RANBP2: variants seen among roughly 807,000 people sequenced by gnomAD.
RANBP2 encodes the protein RAN binding protein 2.
Under a neutral mutation model 303.6 loss-of-function variants are expected in RANBP2, and 57 were observed. That is an observed-to-expected ratio of 0.19 (90% CI 0.15 to 0.23). RANBP2 has a LOEUF of 0.23. Ranked by LOEUF, RANBP2 falls within the 10% of genes least tolerant of loss-of-function variation. The pLI, the probability that RANBP2 is intolerant of heterozygous loss-of-function variation, is 1.00. For missense variants in RANBP2, 3,138 were observed against 3,780.8 expected, an observed-to-expected ratio of 0.83 and a Z score of 4.46; for synonymous variants, 1,167 against 1,301.5, an observed-to-expected ratio of 0.90 and a Z score of 2.23.
At chr2:109,211,325 A>G in the RANBP2 span, among the ~76,000 whole-genome samples, 1 of 152,230 alleles carries the variant, frequency 6.6e-6, no homozygotes, top group South Asian at 2.1e-4. Context: ...TAACATCTTT[A>G]TTAATAATGC....
chr2:109,096,382 G>C, the RANBP2 span, among the ~76,000 whole-genome samples: 1 of 152,226 alleles, frequency 6.6e-6, no homozygotes, highest in Admixed American at 6.5e-5. Flanking sequence ...AATTATAATT[G>C]TTATGTTAAA....
At chr2:109,453,179 G>A in the RANBP2 span, among the ~76,000 whole-genome samples, 2 of 152,090 alleles carry the variant, frequency 1.3e-5, no homozygotes, top group African/African-American at 2.4e-5. Flanking sequence ...GCTCCTCTCT[G>A]GGCCCAGGCA....
the RANBP2 span, among the ~76,000 whole-genome samples, chr2:108,912,199 G>A: frequency 5.3e-5 from 8 of 152,302 alleles, no homozygotes; most frequent in African/African-American, 1.4e-4. Context: ...GCCAGCTGGA[G>A]GGCTGACTCT....
At chr2:109,603,054 G>C in the RANBP2 span, among the ~76,000 whole-genome samples, 1 of 151,696 alleles carries the variant, frequency 6.6e-6, no homozygotes, top group Non-Finnish European at 1.5e-5. Flanking sequence ...CTGGGCAACA[G>C]AGCAAGGCCC....
chr2:109,411,972 G>T, the RANBP2 span, among the ~76,000 whole-genome samples: 1 of 152,210 alleles, frequency 6.6e-6, no homozygotes, highest in Non-Finnish European at 1.5e-5. Flanking sequence ...GCCTGTGTCA[G>T]GGTGGCCAAG....
chr2:108,932,152 C>G, the RANBP2 span, among the ~76,000 whole-genome samples: 8 of 152,202 alleles, frequency 5.3e-5, no homozygotes, highest in Non-Finnish European at 1.0e-4. Context: ...CTCCCTTCCT[C>G]CTTTTCTTTC....
chr2:108,763,604 A>G lies in RANBP2; in HGVS notation c.3065A>G (p.Gln1022Arg), dbSNP rs1254558747. ...GGATTAAGGCCATCTTTGCCAACAC[A>G]AGCACACACAACACAGCCAACTCCT... is the stretch of plus-strand genomic sequence containing the variant. ...GEGLRPSLPT[Q>R]AHTTQPTPFK... Residue 1022 changes from glutamine to arginine, a missense_variant, in exon 20 of 29, where the codon CAA (glutamine) becomes CGA (arginine). Transcript: ENST00000283195. 1 of 1,614,110 alleles carries G rather than the reference A, an allele frequency of 6.2e-7. No individual in the cohort carries two copies. The highest frequency in any genetic ancestry group is 2.2e-5 in the East Asian group (1 of 44,886).
chr2:109,424,242 C>A, the RANBP2 span, among the ~76,000 whole-genome samples: 1 of 152,166 alleles, frequency 6.6e-6, no homozygotes, highest in South Asian at 2.1e-4. Flanking sequence ...AGTGAGCCAG[C>A]GCTGGCTTCA....
the RANBP2 span, among the ~76,000 whole-genome samples, chr2:109,144,238 T>G: frequency 6.6e-6 from 1 of 152,282 alleles, no homozygotes; most frequent in African/African-American, 2.4e-5. Flanking sequence ...GTGATAGATA[T>G]ATATTAACTG....
chr2:108,817,839 T>A, the RANBP2 span, among the ~76,000 whole-genome samples: 4 of 152,326 alleles, frequency 2.6e-5, no homozygotes, highest in Admixed American at 2.6e-4. Flanking sequence ...GTTTAAATGT[T>A]AAGTTTGTGG....
In RANBP2 at chr2:108,782,400, T is replaced by C. The variant is rs1463897413; in HGVS notation, c.9033T>C (p.Ala3011=). ...NALVWTASDY[A]DGEAKVEQLA... ...TAGTTTGGACTGCCTCAGATTATGC[T>C]GGTGAGTTTTTACATTCAAATGCTA... Residue 3011 remains alanine (A), a splice_region_variant and synonymous_variant, in exon 27 of 29, where the codon GCT becomes GCC. Coordinates refer to ENST00000283195, the MANE Select transcript of RANBP2 (RefSeq NM_006267.5). 5 of 1,613,964 alleles carry C rather than the reference T, an allele frequency of 3.1e-6. No homozygotes were observed. The highest frequency in any genetic ancestry group is 3.4e-6 in the Non-Finnish European group (4 of 1,180,026).
At chr2:109,484,069 T>G in the RANBP2 span, among the ~76,000 whole-genome samples, 1 of 31,436 alleles carries the variant, frequency 3.2e-5, no homozygotes, top group Admixed American at 3.8e-4. Context: ...TGGCCTTTCT[T>G]TTTTTTTTTT....
chr2:109,422,512 C>G, the RANBP2 span, among the ~76,000 whole-genome samples: 1 of 152,300 alleles, frequency 6.6e-6, no homozygotes, highest in East Asian at 1.9e-4. Flanking sequence ...CCCGGAAACA[C>G]AAGAAGGGTC....
chr2:109,563,844 G>A, the RANBP2 span, among the ~76,000 whole-genome samples: 1 of 152,136 alleles, frequency 6.6e-6, no homozygotes, highest in African/African-American at 2.4e-5. Context: ...CCTGAGGACT[G>A]GTATGGAGGC....
the RANBP2 span, among the ~76,000 whole-genome samples, chr2:108,805,772 C>T: frequency 3.3e-5 from 5 of 151,972 alleles, no homozygotes; most frequent in Admixed American, 3.3e-4. Context: ...ACCAGAGTTG[C>T]ATAACATAAA....
the RANBP2 span, among the ~76,000 whole-genome samples, chr2:109,188,333 G>T: frequency 1.3e-5 from 2 of 152,204 alleles, no homozygotes; most frequent in Non-Finnish European, 2.9e-5. Context: ...CCTGGAGCGT[G>T]GTCTCTTGGT....
chr2:109,504,340 A>T, the RANBP2 span: 1 of 152,198 alleles, frequency 6.6e-6, no homozygotes, highest in Non-Finnish European at 1.5e-5. Flanking sequence ...CACCGAGGGG[A>T]CAGGACTGCA....
At chr2:109,467,132 A>G in the RANBP2 span, among the ~76,000 whole-genome samples, 9 of 152,262 alleles carry the variant, frequency 5.9e-5, no homozygotes, top group Non-Finnish European at 1.2e-4. Context: ...TCACTCAGCC[A>G]TTCCACTCCT....
the RANBP2 span, among the ~76,000 whole-genome samples, chr2:109,501,196 G>A: frequency 6.6e-6 from 1 of 152,166 alleles, no homozygotes; most frequent in South Asian, 2.1e-4. Flanking sequence ...GGCCAGGGCA[G>A]GAGCGTGGAT....
Sources: allele counts gnomAD v4.1 joint callset (sites outside exome capture counted in the v4.1 genomes callset), GRCh38; gene constraint gnomAD v4.1.1; transcripts MANE v1.5; gene names NCBI Gene and HGNC (gene_info 2026-07-23, HGNC 2026-07-21).